The following KCND1 variants were observed in gnomAD, a reference collection of about 807,000 sequenced individuals.
KCND1 encodes the protein A-type voltage-gated potassium channel KCND1.
A neutral mutation model predicts 31.8 loss-of-function variants in KCND1; 11 were observed. That is an observed-to-expected ratio of 0.35 (90% CI 0.22 to 0.57). The LOEUF (loss-of-function observed/expected upper bound fraction) is 0.57, where lower values mean the gene tolerates loss of function less well. Among genes scored for constraint, KCND1 ranks in the 20% least tolerant of loss-of-function variants. The probability of loss-of-function intolerance (pLI) is 0.85; values close to 1 mark genes in which losing one functional copy is unlikely to be tolerated. For missense variants in KCND1, 471 were observed against 596.8 expected (o/e 0.79, Z 2.20); for synonymous variants, 234 against 248.1 (o/e 0.94, Z 0.53).
At chrX:48,965,955 C>T (rs2064349855) in intron 5 of KCND1, 100 bp downstream of exon 5, 7 of 972,030 alleles carry the variant, frequency 7.2e-6, no homozygotes, top group South Asian at 2.4e-5. Context: ...GGTTTGGGTT[C>T]GAGCTTGACT....
chrX:48,969,431 C>T lies in KCND1; in HGVS notation c.841G>A (p.Val281Met). The change falls in exon 1 of 6, where the codon GTG (valine) becomes ATG (methionine). Residue 281 changes from valine to methionine, a missense_variant. Physicochemically the swap from Val to Met is conservative, Grantham distance 21. Transcript: ENST00000218176. ...CCAGAGACATCGTCGTTCTTGGGCACCAAAAGCCCAATGTAGTAGGGCAGG... is the reference window on the plus strand; with the variant it reads ...CCAGAGACATCGTCGTTCTTGGGCATCAAAAGCCCAATGTAGTAGGGCAGG... The part of the protein sequence containing the change: ...AILPYYIGLL[V>M]PKNDDVSGAF... 3 of 1,210,876 alleles carry T rather than the reference C, an allele frequency of 2.5e-6. No homozygotes were observed. The highest frequency in any genetic ancestry group is 3.4e-6 in the Non-Finnish European group (3 of 895,030).
chrX:48,970,011 G>A lies in KCND1; in HGVS notation c.261C>T (p.Asp87=), dbSNP rs2064377840. 5.8e-6 allele frequency: 7 copies of A among 1,210,174 alleles called. No individual in the cohort carries two copies. The highest frequency in any genetic ancestry group is 5.6e-6 in the Non-Finnish European group (5 of 894,967). Residue 87 remains aspartate, a synonymous_variant, in exon 1 of 6, where the codon GAC becomes GAT. Transcript: ENST00000218176. Reference sequence around the variant, plus strand: ...TCAGCACATGGCGGAACATGTCAGGGTCGCGATCGAAGAAGTACTCGCCTG... The same window carrying A: ...TCAGCACATGGCGGAACATGTCAGGATCGCGATCGAAGAAGTACTCGCCTG... ...ADSGEYFFDR[D]PDMFRHVLNF...
At chrX:48,963,851 C>T (rs374804319) in intron 5 of KCND1, among the ~76,000 whole-genome samples, 8 of 112,005 alleles carry the variant, frequency 7.1e-5, no homozygotes, top group East Asian at 2.8e-4. Context: ...GTGGGACCCT[C>T]GCTCCTTTCT....
chrX:48,969,593 A>C lies in KCND1; in HGVS notation c.679T>G (p.Phe227Val). Residue 227 changes from phenylalanine to valine, a missense_variant, in exon 1 of 6, where the codon TTC becomes GTC. Phe to Val is a conservative substitution (Grantham distance 50, BLOSUM62 -1). Coordinates refer to ENST00000218176, the MANE Select transcript of KCND1 (RefSeq NM_004979.6). ...TCCATGCAGAAAAAGGCCTGTGGGA[A>C]GCGTTCGCCACAGGGCTGCTCCCTT... ...SSREQPCGERFPQAFFCMDTA... is the reference protein window; with the variant it reads ...SSREQPCGERVPQAFFCMDTA... 2 of 1,210,558 alleles carry C rather than the reference A, an allele frequency of 1.7e-6. No homozygotes were observed. Among genetic ancestry groups the C allele is most frequent in the Non-Finnish European group, 1.1e-6 (1 of 894,837 alleles).
intron 1 of KCND1, 32 bp downstream of exon 1, chrX:48,969,119 C>T (rs1379361395): frequency 3.4e-6 from 4 of 1,173,216 alleles, no homozygotes; most frequent in South Asian, 1.9e-5. Flanking sequence ...TGAGTGTAAT[C>T]GGGCAGCCCC....
intron 1 of KCND1, chrX:48,968,034 C>T (rs1010164405): frequency 8.9e-6 from 1 of 111,745 alleles, no homozygotes; most frequent in Admixed American, 9.5e-5. Flanking sequence ...CCACTGTCAG[C>T]GCTCAGTATT....
intron 4 of KCND1, 46 bp from the exon 5 acceptor site, chrX:48,966,351 T>C: frequency 1.7e-6 from 2 of 1,155,968 alleles, no homozygotes; most frequent in Non-Finnish European, 2.3e-6. Flanking sequence ...CCATGGGAGC[T>C]GATCCCACCC....
In KCND1 at chrX:48,969,977, G is replaced by C; in HGVS notation, c.295C>G (p.Arg99Gly). The C allele has an allele frequency of 8.3e-7, 1 of 1,211,613 alleles. No individual in the cohort carries two copies. The highest frequency in any genetic ancestry group is 1.1e-6 in the Non-Finnish European group (1 of 895,231). The change falls in exon 1 of 6, where the codon CGA becomes GGA. Residue 99 changes from arginine to glycine, a missense_variant. Physicochemically the swap from Arg to Gly is moderately radical, Grantham distance 125. Coordinates refer to ENST00000218176, the MANE Select transcript of KCND1 (RefSeq NM_004979.6). Reference protein sequence around the residue: ...DMFRHVLNFYRTGRLHCPRQE... With the variant: ...DMFRHVLNFYGTGRLHCPRQE... ...CGTGGGCAATGCAGCCGCCCCGTTC[G>C]GTAGAAGTTCAGCACATGGCGGAAC...
chrX:48,970,807 T>A lies in KCND1; in HGVS notation c.-536A>T, dbSNP rs1906713432. 1 of 109,521 alleles carries A rather than the reference T, an allele frequency of 9.1e-6. No individual in the cohort carries two copies. Among genetic ancestry groups the A allele is most frequent in the African/African-American group, 3.4e-5 (1 of 29,743 alleles). 9.0% of individuals were successfully genotyped at this position (109,521 alleles called of 1,213,427 possible). A position where few individuals can be genotyped will look rare whatever the true frequency, so the allele number is the denominator to read the frequency against. ...GACTGAGAGTGCCTGGAAGTGGGGG[T>A]TCTAGAGGGGCTGAGACAGGTGAGG... is the stretch of plus-strand genomic sequence containing the variant. On this transcript the variant is annotated 5_prime_UTR_variant, in exon 1 of 6. Coordinates refer to ENST00000218176, the MANE Select transcript of KCND1 (RefSeq NM_004979.6).
chrX:48,968,193 T>C (rs1236586935), intron 1 of KCND1: 2 of 111,678 alleles, frequency 1.8e-5, no homozygotes, highest in Non-Finnish European at 3.8e-5. Context: ...GAGCACCAAC[T>C]GTATACCCAA....
In KCND1 at chrX:48,970,188, G is replaced by C. The variant is rs781995145; in HGVS notation, c.84C>G (p.Pro28=). Residue 28 remains proline (P), a synonymous_variant, in exon 1 of 6, where the codon CCC becomes CCG. Transcript: ENST00000218176. ...GAGATGCCTTCACCCCCGGTGCCGG[G>C]GGCAGGGGTTGCTGGGCCAGGGGCA... ...GWLPLAQQPL[P]PAPGVKASRG... 3.3e-6 allele frequency: 4 copies of C among 1,209,433 alleles called. No homozygotes were observed. In the Admixed American group the frequency reaches 8.7e-5, roughly 26 times the overall value.
Position 48,970,658 on chromosome X carries a change from G to A in KCND1, c.-387C>T, listed in dbSNP as rs1426395533. On this transcript the variant is annotated 5_prime_UTR_variant, in exon 1 of 6. Coordinates refer to ENST00000218176, the MANE Select transcript of KCND1 (RefSeq NM_004979.6). The stretch of plus-strand genomic sequence containing the variant: ...CGTCTAGAGGGGCCAAGAAACACGT[G>A]GGGAATTCTCTGCACTCTCAAGAGT... 3.5e-5 allele frequency: 5 copies of A among 144,647 alleles called. No homozygotes were observed. The highest frequency in any genetic ancestry group is 5.2e-5 in the Non-Finnish European group (4 of 76,412). 11.9% of individuals were successfully genotyped at this position (144,647 alleles called of 1,213,427 possible). A position where few individuals can be genotyped will look rare whatever the true frequency, so the allele number is the denominator to read the frequency against.
Position 48,966,198 on chromosome X carries a change from G to T in KCND1, c.1575C>A (p.Pro525=). 1 of 1,209,407 alleles carries T rather than the reference G, an allele frequency of 8.3e-7. No homozygotes were observed. The highest frequency in any genetic ancestry group is 1.1e-6 in the Non-Finnish European group (1 of 894,887). ...STSVSSQPVG[P]GSLLSSCCPR... is the part of the protein sequence containing the mutation. ...GGCAGCAAGAAGACAGCAGGCTTCC[G>T]GGTCCCACTGGCTGGGAAGACACAG... is the stretch of plus-strand genomic sequence containing the variant. Residue 525 remains proline, a synonymous_variant, in exon 5 of 6, where the codon CCC becomes CCA. Transcript: ENST00000218176.
rs782451422 is a variant in KCND1, at chrX:48,962,639, T to A, written c.1886A>T (p.Asn629Ile). The A allele has an allele frequency of 3.3e-6, 4 of 1,207,318 alleles. No individual in the cohort carries two copies. In the African/African-American group the frequency reaches 7.1e-5, roughly 21 times the overall value. Residue 629 changes from asparagine to isoleucine, a missense_variant, in exon 6 of 6, where the codon AAC (asparagine) becomes ATC (isoleucine). Transcript: ENST00000218176. ...GGGRAGSTLR[N>I]SSLGTPCLFP... ...GAGGCAAGGGGTACCCAGGCTGGAGTTCCTGAGGGTGCTGCCGGCCCTGCC... is the reference window on the plus strand; with the variant it reads ...GAGGCAAGGGGTACCCAGGCTGGAGATCCTGAGGGTGCTGCCGGCCCTGCC...
At position 48,969,314 on chromosome X, in the gene KCND1, TG is replaced by T; in HGVS notation, c.957del (p.Lys320ArgfsTer14). The T allele has an allele frequency of 1.7e-6, 2 of 1,210,829 alleles. No homozygotes were observed. ...SQGLRILGYT[L>X]KSCASELGFL... ...AAGCCCAGCTCAGAGGCACAGCTCT[TG>T]AGTGTGTAGCCCAGAATCCTCAAGC... On this transcript the variant is annotated frameshift_variant, in exon 1 of 6. Transcript: ENST00000218176. LOFTEE classifies it high-confidence loss of function.
chrX:48,970,068 G>T lies in KCND1; in HGVS notation c.204C>A (p.Ser68Arg), dbSNP rs966834990. Residue 68 changes from serine (S) to arginine (R), a missense_variant, in exon 1 of 6, where the codon AGC becomes AGA. Physicochemically the swap from Ser to Arg is moderately radical, Grantham distance 110. This residue lies in a region of KCND1 where 212 missense variants were observed against 257.9 expected (regional missense o/e 0.82). Coordinates refer to ENST00000218176, the MANE Select transcript of KCND1 (RefSeq NM_004979.6). ...LDRYPDTLLG[S>R]SEKEFFYDAD... is the part of the protein sequence containing the mutation. ...CATCGTAGAAGAATTCCTTCTCCGAGCTGCCCAGCAAGGTGTCTGGGTAGC... is the reference window on the plus strand; with the variant it reads ...CATCGTAGAAGAATTCCTTCTCCGATCTGCCCAGCAAGGTGTCTGGGTAGC... 1.7e-6 allele frequency: 2 copies of T among 1,210,347 alleles called. No individual in the cohort carries two copies. The highest frequency in any genetic ancestry group is 2.2e-6 in the Non-Finnish European group (2 of 894,541).
At position 48,969,505 on chromosome X, in the gene KCND1, C is replaced by G; in HGVS notation, c.767G>C (p.Arg256Pro). The change falls in exon 1 of 6, where the codon CGT becomes CCT. Residue 256 changes from arginine to proline, a missense_variant. Arg to Pro is a moderately radical substitution (Grantham distance 103, BLOSUM62 -2). Coordinates refer to ENST00000218176, the MANE Select transcript of KCND1 (RefSeq NM_004979.6). ...CATGACACTCCGCAGGAAGCGGCAA[C>G]GGCTGGGGGCGGCAAACAGCCGCAG... is the stretch of plus-strand genomic sequence containing the variant. ...YLLRLFAAPS[R>P]CRFLRSVMSL... 1 of 1,210,685 alleles carries G rather than the reference C, an allele frequency of 8.3e-7. No homozygotes were observed. The highest frequency in any genetic ancestry group is 1.1e-6 in the Non-Finnish European group (1 of 894,999).
chrX:48,967,878 G>T (rs1353528847), intron 1 of KCND1: 1 of 112,048 alleles, frequency 8.9e-6, no homozygotes, highest in Non-Finnish European at 1.9e-5. Flanking sequence ...CTGCTCAAAA[G>T]TCTTTCCAAC....
intron 5 of KCND1, 22 bp downstream of exon 5, chrX:48,966,033 A>G: frequency 8.3e-7 from 1 of 1,201,864 alleles, no homozygotes; most frequent in Non-Finnish European, 1.1e-6. Flanking sequence ...AGGTGTGGCT[A>G]GCAGGTAGGA....
Sources: gnomAD v4.1 joint callset for allele counts (sites outside exome capture counted in the v4.1 genomes callset) on GRCh38, gnomAD v4.1.1 for gene constraint, gnomAD v4.1.1 regional missense constraint, MANE v1.5 for transcripts, NCBI Gene and HGNC (gene_info 2026-07-23, HGNC 2026-07-21) for gene names.